TAFA1: variants seen among roughly 807,000 people sequenced by gnomAD.
The protein encoded by TAFA1 is TAFA chemokine like family member 1.
Under a neutral mutation model 18.5 loss-of-function variants are expected in TAFA1, and 4 were observed. The ratio of observed to expected loss-of-function variants is 0.22; its 90% CI spans 0.11 to 0.49. The LOEUF is 0.49. Ranked by LOEUF, TAFA1 falls within the 20% of genes least tolerant of loss-of-function variation. TAFA1 has a pLI of 0.98. For synonymous variants in TAFA1, 56 were observed against 55.2 expected (o/e 1.01, Z -0.06); for missense variants, 147 against 169.0 (o/e 0.87, Z 0.72).
At chr3:68,239,351 A>T (rs1035164425) in intron 2 of TAFA1, among the ~76,000 whole-genome samples, 1 of 152,180 alleles carries the variant, frequency 6.6e-6, no homozygotes, top group East Asian at 1.9e-4. Flanking sequence ...AAATTCAGAA[A>T]CTTATTTACA....
intron 3 of TAFA1, among the ~76,000 whole-genome samples, chr3:68,457,505 G>A (rs2071687015): frequency 6.6e-6 from 1 of 152,090 alleles, no homozygotes; most frequent in Admixed American, 6.6e-5. Context: ...ACCTACACAA[G>A]TGGACTTGCA....
intron 2 of TAFA1, among the ~76,000 whole-genome samples, chr3:68,408,799 A>T (rs563528230): frequency 1.3e-5 from 2 of 152,256 alleles, no homozygotes; most frequent in South Asian, 4.1e-4. Context: ...TCCAGTTGGG[A>T]GTCAGGCTGA....
At chr3:68,369,996 A>C (rs540092424) in intron 2 of TAFA1, among the ~76,000 whole-genome samples, 3 of 151,976 alleles carry the variant, frequency 2.0e-5, no homozygotes, top group African/African-American at 7.2e-5. Context: ...CATTTCTTTA[A>C]AAATGTTTTG....
At chr3:68,429,850 C>T (rs778433056) in intron 3 of TAFA1, among the ~76,000 whole-genome samples, 1 of 151,942 alleles carries the variant, frequency 6.6e-6, no homozygotes, top group Non-Finnish European at 1.5e-5. Flanking sequence ...TAATGCCCAC[C>T]TGTGAGTCCT....
chr3:68,495,917 T>G (rs1420010159), intron 3 of TAFA1, among the ~76,000 whole-genome samples: 1 of 151,416 alleles, frequency 6.6e-6, no homozygotes, highest in African/African-American at 2.4e-5. Flanking sequence ...AAGCGTCCTT[T>G]GAAGTGCTTC....
chr3:68,002,366 T>A (rs1704292803), upstream of TAFA1, among the ~76,000 whole-genome samples: 1 of 152,252 alleles, frequency 6.6e-6, no homozygotes, highest in South Asian at 2.1e-4. Flanking sequence ...TGTAATCCAT[T>A]AGGTGGTCGA....
At chr3:68,015,007 T>G (rs1704540995) in intron 2 of TAFA1, among the ~76,000 whole-genome samples, 1 of 152,084 alleles carries the variant, frequency 6.6e-6, no homozygotes. Flanking sequence ...CTAATGATTT[T>G]ATCAAATATC....
At chr3:68,540,251 C>T (rs966599485) in intron 4 of TAFA1, among the ~76,000 whole-genome samples, 3 of 151,976 alleles carry the variant, frequency 2.0e-5, no homozygotes, top group Admixed American at 6.6e-5. Context: ...TATACATTTC[C>T]GGCTTGCGAC....
At chr3:68,183,869 T>G (rs1050854721) in intron 2 of TAFA1, among the ~76,000 whole-genome samples, 1 of 152,128 alleles carries the variant, frequency 6.6e-6, no homozygotes, top group Non-Finnish European at 1.5e-5. Context: ...TCAGGGAAAA[T>G]GAATGCACAG....
intron 2 of TAFA1, among the ~76,000 whole-genome samples, chr3:68,135,038 A>G (rs915775544): frequency 2.0e-5 from 3 of 152,034 alleles, no homozygotes; most frequent in Admixed American, 6.6e-5. Flanking sequence ...ATTATGACTT[A>G]TTGCTCATTT....
At chr3:68,368,650 C>T (rs1441629763) in intron 2 of TAFA1, among the ~76,000 whole-genome samples, 3 of 151,922 alleles carry the variant, frequency 2.0e-5, no homozygotes, top group East Asian at 3.9e-4. Context: ...CCCCTATTCC[C>T]TCCTTCATTT....
At chr3:68,371,914 A>T (rs931168835) in intron 2 of TAFA1, among the ~76,000 whole-genome samples, 1 of 152,150 alleles carries the variant, frequency 6.6e-6, no homozygotes, top group Admixed American at 6.6e-5. Context: ...ATGGTGATCC[A>T]GTGCTGCTCA....
chr3:68,011,657 A>G (rs913752052), intron 2 of TAFA1, among the ~76,000 whole-genome samples: 8 of 152,206 alleles, frequency 5.3e-5, no homozygotes, highest in African/African-American at 1.7e-4. Context: ...GGGTACAACT[A>G]TGGTCGCATA....
chr3:68,207,208 T>C (rs1445813429), intron 2 of TAFA1, among the ~76,000 whole-genome samples: 2 of 151,846 alleles, frequency 1.3e-5, no homozygotes, highest in Non-Finnish European at 2.9e-5. Context: ...TGGAGTGACA[T>C]TTTGGTAACC....
At chr3:68,276,301 C>T (rs984092226) in intron 2 of TAFA1, among the ~76,000 whole-genome samples, 9 of 152,172 alleles carry the variant, frequency 5.9e-5, no homozygotes, top group South Asian at 2.1e-4. Flanking sequence ...AATTCTTGGT[C>T]ATGGGAGCTG....
rs1705216617 is a variant in TAFA1, at chr3:68,043,875, A to G, written c.118+37131A>G. Among the ~76,000 whole-genome samples, 5 of 152,094 alleles carry G rather than the reference A, an allele frequency of 3.3e-5. No homozygotes were observed. The South Asian group carries it at 1.0e-3, about 32-fold the overall frequency. ...TATTTTTTATTATACCTTAATTTCT[A>G]GGGTACATGTGCACAATGTGCGGGT... On this transcript the variant is annotated intron_variant, in intron 2 of 4. Coordinates refer to ENST00000478136, the MANE Select transcript of TAFA1 (RefSeq NM_213609.4).
intron 3 of TAFA1, among the ~76,000 whole-genome samples, chr3:68,529,139 T>C (rs989004838): frequency 2.0e-5 from 3 of 151,964 alleles, no homozygotes; most frequent in East Asian, 3.9e-4. Context: ...CACTGCCTAG[T>C]ACAAGTAGGC....
intron 2 of TAFA1, among the ~76,000 whole-genome samples, chr3:68,230,107 T>A (rs2066853945): frequency 6.6e-6 from 1 of 152,200 alleles, no homozygotes; most frequent in African/African-American, 2.4e-5. Flanking sequence ...TTTTGATTTC[T>A]TTGTGTTAGG....
intron 2 of TAFA1, among the ~76,000 whole-genome samples, chr3:68,342,940 A>T (rs1160385770): frequency 2.0e-5 from 3 of 152,194 alleles, no homozygotes; most frequent in Non-Finnish European, 4.4e-5. Context: ...CACACAAAGT[A>T]TATTTTTCTC....
Sources: gnomAD v4.1 joint callset for allele counts (sites outside exome capture counted in the v4.1 genomes callset) on GRCh38, gnomAD v4.1.1 for gene constraint, MANE v1.5 for transcripts, NCBI Gene and HGNC (gene_info 2026-07-23, HGNC 2026-07-21) for gene names.